PPP1R21: variants seen among roughly 807,000 people sequenced by gnomAD.
The protein encoded by PPP1R21 is KLRAQ motif containing 1.
In PPP1R21, 85 loss-of-function variants were observed where a neutral mutation model predicts 112.8. That is an observed-to-expected ratio of 0.75 (90% confidence interval 0.63 to 0.90). PPP1R21 has a LOEUF of 0.90. Among genes scored for constraint, PPP1R21 ranks in the 40% least tolerant of loss-of-function variants. The pLI, the probability that PPP1R21 is intolerant of heterozygous loss-of-function variation, is 0.00. For synonymous variants in PPP1R21, 381 were observed against 322.3 expected, an observed-to-expected ratio of 1.18 and a Z score of -1.95; for missense variants, 1,199 against 901.5, an observed-to-expected ratio of 1.33 and a Z score of -4.23.
At chr2:48,464,033 C>A (rs1572845654) in intron 7 of PPP1R21, among the ~76,000 whole-genome samples, 1 of 151,966 alleles carries the variant, frequency 6.6e-6, no homozygotes, top group South Asian at 2.1e-4. Context: ...AGTTGAAGCC[C>A]CCTGGAGTTA....
At chr2:48,512,086 G>A (rs900627454) in intron 21 of PPP1R21, among the ~76,000 whole-genome samples, 5 of 152,142 alleles carry the variant, frequency 3.3e-5, no homozygotes, top group Non-Finnish European at 1.5e-5. Flanking sequence ...GGAAAGGATT[G>A]CTCTTTGTTT....
At chr2:48,498,795 A>T in intron 17 of PPP1R21, 60 bp downstream of exon 17, 2 of 1,527,356 alleles carry the variant, frequency 1.3e-6, no homozygotes, top group Non-Finnish European at 1.8e-6. Context: ...GTAAGTATCT[A>T]ATGTTCAACA....
Position 48,486,640 on chromosome 2 carries a change from A to T in PPP1R21, c.1328A>T (p.Lys443Ile). 6.2e-7 allele frequency: 1 copy of T among 1,610,506 alleles called. No homozygotes were observed. Among genetic ancestry groups the T allele is most frequent in the Non-Finnish European group, 8.5e-7 (1 of 1,176,996 alleles). Residue 443 changes from lysine to isoleucine, a missense_variant, in exon 14 of 22, where the codon AAA (lysine) becomes ATA (isoleucine). Physicochemically the swap from Lys to Ile is moderately radical, Grantham distance 102 (BLOSUM62 -3). Coordinates refer to ENST00000294952, the MANE Select transcript of PPP1R21 (RefSeq NM_001135629.3). ...GTAATTGCTTTTATAGATATTTCCA[A>T]ACATTATAGTCAAAAAGCTGCAATA... Reference protein sequence around the residue: ...GFHDVMKDISKHYSQKAAIEH... With the variant: ...GFHDVMKDISIHYSQKAAIEH...
intron 15 of PPP1R21, among the ~76,000 whole-genome samples, chr2:48,493,346 A>G (rs960375582): frequency 3.9e-5 from 6 of 152,162 alleles, no homozygotes; most frequent in Non-Finnish European, 7.3e-5. Flanking sequence ...GGGTTGAAAG[A>G]GCTGTCTCTG....
At chr2:48,469,914 G>C (rs1370077450) in intron 9 of PPP1R21, among the ~76,000 whole-genome samples, 1 of 152,024 alleles carries the variant, frequency 6.6e-6, no homozygotes, top group Non-Finnish European at 1.5e-5. Flanking sequence ...TGTAAGCTTA[G>C]AGTGCATTAT....
At chr2:48,504,030 A>C (rs1031875703) in intron 17 of PPP1R21, among the ~76,000 whole-genome samples, 8 of 152,088 alleles carry the variant, frequency 5.3e-5, no homozygotes, top group Non-Finnish European at 7.4e-5. Context: ...CCCATTTTCA[A>C]ATCATAACCC....
intron 9 of PPP1R21, among the ~76,000 whole-genome samples, chr2:48,467,117 T>C (rs1168416477): frequency 1.3e-5 from 2 of 152,202 alleles, no homozygotes; most frequent in East Asian, 1.9e-4. Flanking sequence ...ACCTTTTTCC[T>C]TCCTGCTGAG....
intron 11 of PPP1R21, among the ~76,000 whole-genome samples, chr2:48,472,462 C>A (rs953538221): frequency 1.3e-5 from 2 of 150,518 alleles, no homozygotes; most frequent in Admixed American, 6.6e-5. Context: ...CCTGTTTCTA[C>A]TAAAAATACA....
intron 17 of PPP1R21, 50 bp downstream of exon 17, chr2:48,498,785 G>A (rs775575354): frequency 1.9e-6 from 3 of 1,583,240 alleles, no homozygotes; most frequent in Non-Finnish European, 2.6e-6. Flanking sequence ...ATGCTAATTG[G>A]TAAGTATCTA....
At chr2:48,494,276 A>G (rs1669707671) in intron 15 of PPP1R21, among the ~76,000 whole-genome samples, 3 of 115,612 alleles carry the variant, frequency 2.6e-5, no homozygotes, top group Non-Finnish European at 3.6e-5. Context: ...AAAAAAAAAA[A>G]AAGTCATGTC....
chr2:48,458,658 A>G (rs923374740), intron 4 of PPP1R21, among the ~76,000 whole-genome samples: 3 of 150,388 alleles, frequency 2.0e-5, no homozygotes, highest in Admixed American at 1.3e-4. Flanking sequence ...CCCCTGTTAA[A>G]CTGTAAGGTC....
At chr2:48,441,655 A>G (rs139092707) in intron 1 of PPP1R21, among the ~76,000 whole-genome samples, 311 of 152,344 alleles carry the variant, frequency 2.0e-3, no homozygotes, top group African/African-American at 6.9e-3. Context: ...CTCAATACAC[A>G]TTAAGCAACA....
At chr2:48,484,125 C>A (rs898929265) in intron 13 of PPP1R21, among the ~76,000 whole-genome samples, 3 of 152,210 alleles carry the variant, frequency 2.0e-5, no homozygotes, top group Non-Finnish European at 4.4e-5. Flanking sequence ...CATACTTTTT[C>A]CCCAAGATAT....
At chr2:48,509,889 A>T (rs1473803620) in intron 19 of PPP1R21, 126 bp from the exon 20 acceptor site, 1 of 607,590 alleles carries the variant, frequency 1.6e-6, no homozygotes, top group Non-Finnish European at 2.9e-6. Context: ...ATAGGTATTC[A>T]ACAGATTATT....
Position 48,454,619 on chromosome 2 carries a change from T to G in PPP1R21, c.151T>G (p.Ser51Ala), listed in dbSNP as rs753040191. The stretch of plus-strand genomic sequence containing the variant: ...GGAGCAACTGAAAATGAAGGATCAG[T>G]CATTGAGAAAACTACAACAGGAAAT... ...LKEQLKMKDQ[S>A]LRKLQQEMDS... is the part of the protein sequence containing the mutation. The change falls in exon 3 of 22, where the codon TCA becomes GCA. Residue 51 changes from serine (S) to alanine (A), a missense_variant. Physicochemically the swap from Ser to Ala is moderately conservative, Grantham distance 99. Coordinates refer to ENST00000294952, the MANE Select transcript of PPP1R21 (RefSeq NM_001135629.3). 15 of 1,613,956 alleles carry G rather than the reference T, an allele frequency of 9.3e-6. No individual in the cohort carries two copies. The African/African-American group carries it at 2.0e-4, about 22-fold the overall frequency.
At chr2:48,465,811 A>G (rs1451551073) in intron 9 of PPP1R21, among the ~76,000 whole-genome samples, 169 bp downstream of exon 9, 4 of 152,368 alleles carry the variant, frequency 2.6e-5, no homozygotes, top group Middle Eastern at 3.4e-3. Context: ...AGAGATTCTT[A>G]AGAAATTAAA....
At chr2:48,494,839 T>C (rs1294185733) in intron 15 of PPP1R21, among the ~76,000 whole-genome samples, 1 of 152,198 alleles carries the variant, frequency 6.6e-6, no homozygotes, top group Non-Finnish European at 1.5e-5. Flanking sequence ...TGCCTCAGCC[T>C]CCTGAGTAGC....
rs765580697 is a variant in PPP1R21 at position 48,510,090 on chromosome 2, A to T, written c.2161A>T (p.Ser721Cys). 8 of 1,614,028 alleles carry T rather than the reference A, an allele frequency of 5.0e-6. No homozygotes were observed. The part of the protein sequence containing the change: ...EALTEEMKLA[S>C]QNISRLQDEL... ...ATTGACAGAAGAAATGAAACTTGCC[A>T]GTCAGAACATCAGCAGACTTCAGGT... The change falls in exon 20 of 22, where the codon AGT (serine) becomes TGT (cysteine). Residue 721 changes from serine (S) to cysteine (C), a missense_variant. Physicochemically the swap from Ser to Cys is moderately radical, Grantham distance 112. Coordinates refer to ENST00000294952, the MANE Select transcript of PPP1R21 (RefSeq NM_001135629.3).
At chr2:48,501,330 C>T (rs1670101475) in intron 17 of PPP1R21, among the ~76,000 whole-genome samples, 1 of 152,170 alleles carries the variant, frequency 6.6e-6, no homozygotes, top group Non-Finnish European at 1.5e-5. Flanking sequence ...GTATCCATTC[C>T]TTCCTTCTTC....
Sources: allele counts gnomAD v4.1 joint callset (sites outside exome capture counted in the v4.1 genomes callset), GRCh38; gene constraint gnomAD v4.1.1; transcripts MANE v1.5; gene names NCBI Gene and HGNC (gene_info 2026-07-23, HGNC 2026-07-21).